The following ADGRV1 variants were observed in gnomAD, a reference collection of about 807,000 sequenced individuals.
ADGRV1 encodes the protein G-protein coupled receptor 98.
In ADGRV1, 359 loss-of-function variants were observed where a neutral mutation model predicts 596.2. The observed-to-expected ratio is 0.60, with a 90% CI of 0.55 to 0.66. The LOEUF (loss-of-function observed/expected upper bound fraction) is 0.66. Ranked by LOEUF, ADGRV1 falls within the 30% of genes least tolerant of loss-of-function variation. The pLI is 0.00. For synonymous variants in ADGRV1, 2,681 were observed against 2,679.2 expected, an observed-to-expected ratio of 1.00 and a Z score of -0.02; for missense variants, 7,274 against 7,575.6, an observed-to-expected ratio of 0.96 and a Z score of 1.48.
chr5:91,120,421 C>T (rs971549007), intron 87 of ADGRV1, among the ~76,000 whole-genome samples: 2 of 152,168 alleles, frequency 1.3e-5, no homozygotes, highest in East Asian at 1.9e-4. Flanking sequence ...TTCAAGCTGC[C>T]AGTTTGTGGC....
At chr5:90,769,706 C>T (rs1389247878) in intron 59 of ADGRV1, among the ~76,000 whole-genome samples, 1 of 151,862 alleles carries the variant, frequency 6.6e-6, no homozygotes, top group Admixed American at 6.6e-5. Context: ...ATTTTAATCT[C>T]TTCACTCAAG....
Position 91,034,477 on chromosome 5 carries a change from C to G in ADGRV1, c.18153-37970C>G, listed in dbSNP as rs1581851710. Among the ~76,000 whole-genome samples, 5 of 152,080 alleles carry G rather than the reference C, an allele frequency of 3.3e-5. No individual in the cohort carries two copies. The South Asian group carries it at 1.0e-3, about 32-fold the overall frequency. On this transcript the variant is annotated intron_variant, in intron 85 of 89. Transcript: ENST00000405460. ...AGAATGTGTTTTTAGAAGTTTTATT[C>G]TTAAGTACTACATCCTCCTAAAGTC...
intron 89 of ADGRV1, among the ~76,000 whole-genome samples, chr5:91,158,805 G>A (rs1796684957): frequency 6.6e-6 from 1 of 152,106 alleles, no homozygotes; most frequent in African/African-American, 2.4e-5. Flanking sequence ...TAGCAGTGCT[G>A]AGTATCTCAG....
Position 90,914,055 on chromosome 5 carries a change from C to A in ADGRV1, c.17856+50198C>A, listed in dbSNP as rs187497094. Among the ~76,000 whole-genome samples the A allele has an allele frequency of 2.6e-4, 39 of 152,220 alleles. No homozygotes were observed. In the East Asian group the frequency reaches 7.5e-3, roughly 29 times the overall value. On this transcript the variant is annotated intron_variant, in intron 83 of 89. Transcript: ENST00000405460. Reference sequence around the variant, plus strand: ...GTGAGTGGGGCTTTAGTAATGGATCCAGATTTAGCTGAATAATACAGTTTG... The same window carrying A: ...GTGAGTGGGGCTTTAGTAATGGATCAAGATTTAGCTGAATAATACAGTTTG...
At chr5:90,603,573 C>T (rs1348839298) in intron 1 of ADGRV1, among the ~76,000 whole-genome samples, 2 of 152,080 alleles carry the variant, frequency 1.3e-5, no homozygotes, top group Non-Finnish European at 2.9e-5. Context: ...TTTTGCTTCC[C>T]TTTAGCAATT....
intron 85 of ADGRV1, among the ~76,000 whole-genome samples, chr5:91,017,829 C>G (rs1026461301): frequency 1.3e-5 from 2 of 151,864 alleles, no homozygotes; most frequent in Admixed American, 1.3e-4. Context: ...GGTGTCAGCA[C>G]TTTGAACAAG....
At chr5:90,771,845 A>G (rs1238547141) in intron 59 of ADGRV1, among the ~76,000 whole-genome samples, 2 of 152,270 alleles carry the variant, frequency 1.3e-5, no homozygotes, top group East Asian at 1.9e-4. Context: ...GGCTCTTTCT[A>G]TGCAGGATTA....
At chr5:90,583,839 G>A (rs918016627) in intron 1 of ADGRV1, among the ~76,000 whole-genome samples, 18 of 119,474 alleles carry the variant, frequency 1.5e-4, no homozygotes, top group African/African-American at 5.1e-4. Context: ...AGAGAGAAGA[G>A]AGTAAAATGT....
rs753848995 is a variant in ADGRV1 at position 90,689,914 on chromosome 5, A to G, written c.6544A>G (p.Ser2182Gly). 1.2e-6 allele frequency: 2 copies of G among 1,613,452 alleles called. No individual in the cohort carries two copies. Among genetic ancestry groups the G allele is most frequent in the Non-Finnish European group, 1.7e-6 (2 of 1,179,612 alleles). ...TGTGGTCTTGCTAGAAGGGGAAACCAGTAAAGCCGTGCCAATATATGTCAT... is the reference window on the plus strand; with the variant it reads ...TGTGGTCTTGCTAGAAGGGGAAACCGGTAAAGCCGTGCCAATATATGTCAT... ...SDVVLLEGET[S>G]KAVPIYVIND... The change falls in exon 30 of 90, where the codon AGT becomes GGT. Residue 2182 changes from serine to glycine, a missense_variant. By Grantham distance (56) the Ser-to-Gly change is moderately conservative. Transcript: ENST00000405460.
intron 59 of ADGRV1, 40 bp from the exon 60 acceptor site, chr5:90,774,146 G>T: frequency 8.3e-7 from 1 of 1,203,568 alleles, no homozygotes; most frequent in Non-Finnish European, 1.2e-6. Flanking sequence ...TTTGGCTTTG[G>T]TCAATCTGGA....
chr5:90,765,431 A>C (rs1037287217), intron 59 of ADGRV1, among the ~76,000 whole-genome samples: 3 of 104,830 alleles, frequency 2.9e-5, no homozygotes, highest in African/African-American at 4.7e-5. Context: ...ATCACAGACC[A>C]CACACACACA....
chr5:90,579,708 T>A (rs534109071), intron 1 of ADGRV1, among the ~76,000 whole-genome samples: 11 of 152,264 alleles, frequency 7.2e-5, no homozygotes, highest in Admixed American at 5.2e-4. Flanking sequence ...CAGTGGGGTG[T>A]TAAAGTCTCC....
chr5:91,065,498 T>A (rs1787808032), intron 85 of ADGRV1, among the ~76,000 whole-genome samples: 1 of 152,216 alleles, frequency 6.6e-6, no homozygotes, highest in African/African-American at 2.4e-5. Flanking sequence ...ATAATGTAAA[T>A]GGACTCAAAT....
At chr5:90,689,802 A>G in intron 29 of ADGRV1, 59 bp from the exon 30 acceptor site, 1 of 1,183,470 alleles carries the variant, frequency 8.4e-7, no homozygotes, top group Non-Finnish European at 1.2e-6. Flanking sequence ...TTTCCCTAGT[A>G]TATGGAATGT....
chr5:91,066,270 A>G (rs892763641), intron 85 of ADGRV1, among the ~76,000 whole-genome samples: 1 of 152,160 alleles, frequency 6.6e-6, no homozygotes, highest in Admixed American at 6.5e-5. Context: ...TTATTTCAAA[A>G]GCTACTCTAA....
chr5:90,843,713 T>C (rs548828898), intron 78 of ADGRV1, among the ~76,000 whole-genome samples: 30 of 152,212 alleles, frequency 2.0e-4, no homozygotes, highest in Middle Eastern at 6.8e-3. Flanking sequence ...CAAAGCAAAG[T>C]GAAAACACAA....
intron 87 of ADGRV1, among the ~76,000 whole-genome samples, chr5:91,111,785 G>A (rs1042918596): frequency 2.0e-5 from 3 of 152,042 alleles, no homozygotes; most frequent in African/African-American, 7.2e-5. Flanking sequence ...CTCTATCATT[G>A]ATTTGTCCCA....
At chr5:90,704,290 A>T in intron 35 of ADGRV1, 99 bp from the exon 36 acceptor site, 1 of 747,768 alleles carries the variant, frequency 1.3e-6, no homozygotes, top group Non-Finnish European at 2.2e-6. Context: ...AAATGAAAAT[A>T]TATTTGCCTG....
At chr5:90,983,895 T>TC (rs1360505073) in intron 84 of ADGRV1, among the ~76,000 whole-genome samples, 2 of 152,300 alleles carry the variant, frequency 1.3e-5, no homozygotes, top group East Asian at 3.9e-4. Context: ...ACAGATACAA[T>TC]CTTACTCAGA....
Sources: allele counts gnomAD v4.1 joint callset (sites outside exome capture counted in the v4.1 genomes callset), GRCh38; gene constraint gnomAD v4.1.1; transcripts MANE v1.5; gene names NCBI Gene and HGNC (gene_info 2026-07-23, HGNC 2026-07-21).